The following PCDH9 variants were observed in gnomAD, a reference collection of about 807,000 sequenced individuals.
The protein encoded by PCDH9 is protocadherin-9.
A neutral mutation model predicts 70.6 loss-of-function variants in PCDH9; 24 were observed. That is an observed-to-expected ratio of 0.34 (90% CI 0.25 to 0.48). The LOEUF (loss-of-function observed/expected upper bound fraction) is 0.48, where lower values mean the gene tolerates loss of function less well. Among genes scored for constraint, PCDH9 ranks in the 20% least tolerant of loss-of-function variants. PCDH9 has a pLI of 0.99. For missense variants in PCDH9, 1,281 were observed against 1,503.6 expected, an observed-to-expected ratio of 0.85 and a Z score of 2.45; for synonymous variants, 562 against 558.5, an observed-to-expected ratio of 1.01 and a Z score of -0.09.
intron 3 of PCDH9, among the ~76,000 whole-genome samples, chr13:66,839,337 T>C (rs531207022): frequency 1.3e-4 from 20 of 152,276 alleles, no homozygotes; most frequent in South Asian, 1.2e-3. Flanking sequence ...TTTTAAAAAA[T>C]GTATCCCCAA....
chr13:66,673,996 A>G (rs1390181412), intron 3 of PCDH9, among the ~76,000 whole-genome samples: 1 of 152,128 alleles, frequency 6.6e-6, no homozygotes, highest in Non-Finnish European at 1.5e-5. Context: ...AGGAAATTAT[A>G]ATAGGGTCTA....
intron 2 of PCDH9, among the ~76,000 whole-genome samples, chr13:67,173,157 G>C (rs1215566359): frequency 3.3e-5 from 5 of 152,048 alleles, no homozygotes; most frequent in Non-Finnish European, 7.4e-5. Flanking sequence ...TTACCTTATA[G>C]AAGTAAACAA....
At chr13:66,419,305 T>C (rs1957520352) in intron 4 of PCDH9, among the ~76,000 whole-genome samples, 1 of 151,942 alleles carries the variant, frequency 6.6e-6, no homozygotes, top group Non-Finnish European at 1.5e-5. Flanking sequence ...CTCAATAAAA[T>C]ACTGGCAAAC....
At chr13:66,763,616 CA>C (rs959317513) in intron 3 of PCDH9, among the ~76,000 whole-genome samples, 1 of 151,984 alleles carries the variant, frequency 6.6e-6, no homozygotes, top group African/African-American at 2.4e-5. Flanking sequence ...GTCATCTTTA[CA>C]AAAAGTGCAA....
chr13:66,990,429 C>T, intron 2 of PCDH9, among the ~76,000 whole-genome samples: 1 of 151,168 alleles, frequency 6.6e-6, no homozygotes, highest in African/African-American at 2.4e-5. Context: ...TAAGAAGATA[C>T]ATATACATAT....
chr13:66,746,883 T>C (rs1332023843), intron 3 of PCDH9, among the ~76,000 whole-genome samples: 1 of 152,228 alleles, frequency 6.6e-6, no homozygotes, highest in African/African-American at 2.4e-5. Flanking sequence ...GTACTTTTAA[T>C]GTAACAATTG....
intron 2 of PCDH9, among the ~76,000 whole-genome samples, chr13:67,147,806 A>C (rs2087559181): frequency 6.6e-6 from 1 of 152,198 alleles, no homozygotes; most frequent in African/African-American, 2.4e-5. Flanking sequence ...ATAAATTGCT[A>C]AGAAATAGCT....
chr13:66,689,243 T>C (rs1006108489), intron 3 of PCDH9, among the ~76,000 whole-genome samples: 1 of 152,088 alleles, frequency 6.6e-6, no homozygotes, highest in African/African-American at 2.4e-5. Flanking sequence ...CCTCTAGTGT[T>C]CCAAAACTAG....
chr13:66,623,718 C>T (rs1489435022), intron 4 of PCDH9, among the ~76,000 whole-genome samples: 1 of 152,138 alleles, frequency 6.6e-6, no homozygotes, highest in Non-Finnish European at 1.5e-5. Context: ...GAATTATAGG[C>T]ATGAGCCACT....
intron 2 of PCDH9, among the ~76,000 whole-genome samples, chr13:67,074,120 A>ATCTATCTG (rs1328644662): frequency 1.3e-5 from 2 of 149,750 alleles, no homozygotes; most frequent in African/African-American, 4.9e-5. Context: ...CTATCTATCT[A>ATCTATCTG]TCTGTCTATC....
chr13:66,371,892 G>C (rs767016611), intron 4 of PCDH9, among the ~76,000 whole-genome samples: 9 of 152,012 alleles, frequency 5.9e-5, no homozygotes, highest in Non-Finnish European at 8.8e-5. Context: ...GCAGAGAAAA[G>C]CTGCAGGAGT....
At chr13:67,143,150 A>G (rs946749824) in intron 2 of PCDH9, among the ~76,000 whole-genome samples, 1 of 152,222 alleles carries the variant, frequency 6.6e-6, no homozygotes, top group African/African-American at 2.4e-5. Flanking sequence ...TATATTAACT[A>G]TATCTAAATA....
chr13:66,654,237 T>C (rs1346122757), intron 3 of PCDH9, among the ~76,000 whole-genome samples: 2 of 152,174 alleles, frequency 1.3e-5, no homozygotes, highest in African/African-American at 4.8e-5. Flanking sequence ...TCAAATGTTC[T>C]CACTTATCTG....
intron 2 of PCDH9, among the ~76,000 whole-genome samples, chr13:66,962,653 A>G (rs2083367581): frequency 6.6e-6 from 1 of 152,212 alleles, no homozygotes; most frequent in Non-Finnish European, 1.5e-5. Flanking sequence ...AAAATATTGT[A>G]TTATTATATT....
At chr13:67,170,721 T>A (rs2088258697) in intron 2 of PCDH9, among the ~76,000 whole-genome samples, 1 of 151,968 alleles carries the variant, frequency 6.6e-6, no homozygotes, top group South Asian at 2.1e-4. Context: ...AGCCAAGACT[T>A]CAAGACCAGC....
In PCDH9 at chr13:67,047,401, A is replaced by T. The variant is rs534635943; in HGVS notation, c.3037-143796T>A. ...GACATCTGCAATAGACAACAGTGGC[A>T]TTTATATTTCTCATATATAAATAAG... is the stretch of plus-strand genomic sequence containing the variant. On this transcript the variant is annotated intron_variant, in intron 2 of 4. Transcript: ENST00000377865. 8.4e-4 allele frequency among the ~76,000 whole-genome samples: 128 copies of T among 152,232 alleles called. 2 individuals carry two copies. The highest frequency in any genetic ancestry group is 1.6e-3 in the Non-Finnish European group (107 of 68,038).
At position 67,145,629 on chromosome 13, in the gene PCDH9, C is replaced by G. The variant is rs748351233; in HGVS notation, c.3036+79776G>C. 4.0e-5 allele frequency among the ~76,000 whole-genome samples: 6 copies of G among 151,882 alleles called. No individual in the cohort carries two copies. In the East Asian group the frequency reaches 9.7e-4, roughly 24 times the overall value. On this transcript the variant is annotated intron_variant, in intron 2 of 4. Transcript: ENST00000377865. ...AAAACCCATCTTTTGAAGTTTCAGC[C>G]ATATATTCATATGTATGGCTTCAAA...
At chr13:66,941,839 G>C (rs2083011189) in intron 2 of PCDH9, among the ~76,000 whole-genome samples, 1 of 151,860 alleles carries the variant, frequency 6.6e-6, no homozygotes. Flanking sequence ...CTAACGTTAA[G>C]AAATACTTGG....
At chr13:66,425,716 C>T (rs1181741302) in intron 4 of PCDH9, among the ~76,000 whole-genome samples, 1 of 151,684 alleles carries the variant, frequency 6.6e-6, no homozygotes, top group African/African-American at 2.4e-5. Flanking sequence ...TTGATATTGT[C>T]TAGGTACAGA....
Sources: gnomAD v4.1 joint callset for allele counts (sites outside exome capture counted in the v4.1 genomes callset) on GRCh38, gnomAD v4.1.1 for gene constraint, MANE v1.5 for transcripts, NCBI Gene and HGNC (gene_info 2026-07-23, HGNC 2026-07-21) for gene names.